Variants in FAM53B observed in about 807,000 individuals in gnomAD.
FAM53B encodes protein FAM53B.
A neutral mutation model predicts 32.7 loss-of-function variants in FAM53B; 12 were observed. That is an observed-to-expected ratio of 0.37 (90% CI 0.24 to 0.59). The LOEUF is 0.59. Ranked by LOEUF, FAM53B falls within the 20% of genes least tolerant of loss-of-function variation. The pLI is 0.72. For missense variants in FAM53B, 477 were observed against 577.7 expected, an observed-to-expected ratio of 0.83 and a Z score of 1.79; for synonymous variants, 234 against 228.7, an observed-to-expected ratio of 1.02 and a Z score of -0.21.
At chr10:124,726,671 T>C (rs1169749099) in intron 1 of FAM53B, among the ~76,000 whole-genome samples, 1 of 152,192 alleles carries the variant, frequency 6.6e-6, no homozygotes, top group African/African-American at 2.4e-5. Context: ...ACAGCTGCCA[T>C]ACGAAGAGAT....
At position 124,646,464 on chromosome 10, in the gene FAM53B, G is replaced by A. The variant is rs185948410; in HGVS notation, c.907-22860C>T. On this transcript the variant is annotated intron_variant, in intron 4 of 4. Coordinates refer to ENST00000337318, the MANE Select transcript of FAM53B (RefSeq NM_014661.4). ...ATCCCAGAACAAACGGAACCGTTTTGTTACCATCTACCACAGGCCAAGGCC... is the reference window on the plus strand; with the variant it reads ...ATCCCAGAACAAACGGAACCGTTTTATTACCATCTACCACAGGCCAAGGCC... Among the ~76,000 whole-genome samples, 7 of 152,324 alleles carry A rather than the reference G, an allele frequency of 4.6e-5. No homozygotes were observed. In the East Asian group the frequency reaches 1.4e-3, roughly 29 times the overall value.
chr10:124,694,847 T>G (rs1241396591), intron 3 of FAM53B, among the ~76,000 whole-genome samples: 1 of 152,180 alleles, frequency 6.6e-6, no homozygotes, highest in Non-Finnish European at 1.5e-5. Context: ...AGTGGCAGCA[T>G]CAAGAGCACC....
At chr10:124,690,343 C>T (rs914724438) in intron 3 of FAM53B, among the ~76,000 whole-genome samples, 1 of 152,246 alleles carries the variant, frequency 6.6e-6, no homozygotes, top group Admixed American at 6.5e-5. Context: ...TGTCACATCT[C>T]CCCCATGGAC....
At chr10:124,715,979 G>A (rs1950036528) in intron 1 of FAM53B, among the ~76,000 whole-genome samples, 1 of 152,206 alleles carries the variant, frequency 6.6e-6, no homozygotes, top group African/African-American at 2.4e-5. Flanking sequence ...TACAGCATTA[G>A]CTTCTAGGGG....
chr10:124,631,586 G>T (rs1327549193), intron 4 of FAM53B, among the ~76,000 whole-genome samples: 1 of 152,134 alleles, frequency 6.6e-6, no homozygotes, highest in Non-Finnish European at 1.5e-5. Context: ...GGTGCTCATC[G>T]GGCCAAACCC....
At chr10:124,676,866 G>A (rs1000371332) in intron 4 of FAM53B, among the ~76,000 whole-genome samples, 8 of 152,026 alleles carry the variant, frequency 5.3e-5, no homozygotes, top group South Asian at 2.1e-4. Flanking sequence ...CAGCTTTCAC[G>A]GTCCCTCAAA....
In FAM53B at chr10:124,671,054, A is replaced by T; in HGVS notation, c.906+10553T>A. 5 of 426,848 alleles carry T rather than the reference A, an allele frequency of 1.2e-5. No homozygotes were observed. The East Asian group carries it at 2.2e-4, about 19-fold the overall frequency. The allele number at this position is 426,848 out of a possible 1,614,324, so 26.4% of individuals were successfully genotyped here. ...CGCTGGAGAACGTTAGACAGCGCTTAACTGAAGGATGCTGAGCAGAGCCAG... is the reference window on the plus strand; with the variant it reads ...CGCTGGAGAACGTTAGACAGCGCTTTACTGAAGGATGCTGAGCAGAGCCAG... On this transcript the variant is annotated intron_variant, in intron 4 of 4. Coordinates refer to ENST00000337318, the MANE Select transcript of FAM53B (RefSeq NM_014661.4).
rs3781469 is a variant in FAM53B, at chr10:124,631,968, G to T, written c.907-8364C>A. 4.4e-3 allele frequency among the ~76,000 whole-genome samples: 675 copies of T among 152,298 alleles called. 23 individuals are homozygous for T. The East Asian group carries it at 0.085, about 19-fold the overall frequency. Reference sequence around the variant, plus strand: ...ACAGTGGGTGCATCGTGCAGCCTGGGGGCAGAGGGTAGGTAGGAAGGAAGG... The same window carrying T: ...ACAGTGGGTGCATCGTGCAGCCTGGTGGCAGAGGGTAGGTAGGAAGGAAGG... On this transcript the variant is annotated intron_variant, in intron 4 of 4. Coordinates refer to ENST00000337318, the MANE Select transcript of FAM53B (RefSeq NM_014661.4).
chr10:124,707,294 G>C (rs1180550587), intron 1 of FAM53B, among the ~76,000 whole-genome samples: 1 of 152,322 alleles, frequency 6.6e-6, no homozygotes, highest in East Asian at 1.9e-4. Flanking sequence ...CCAAGGGTCA[G>C]AACATGCCTC....
At chr10:124,659,859 T>A (rs1949618035) in intron 4 of FAM53B, among the ~76,000 whole-genome samples, 1 of 152,206 alleles carries the variant, frequency 6.6e-6, no homozygotes, top group Non-Finnish European at 1.5e-5. Flanking sequence ...CAGGCTGGAG[T>A]GCCATGGCAC....
At chr10:124,679,389 C>T (rs555201138) in intron 4 of FAM53B, among the ~76,000 whole-genome samples, 3 of 152,208 alleles carry the variant, frequency 2.0e-5, no homozygotes, top group Non-Finnish European at 4.4e-5. Context: ...CAGGTTCCCA[C>T]GCACAAGGCC....
rs1949779646 is a variant in FAM53B, at chr10:124,682,431, A to C, written c.134-52T>G. 6.7e-7 allele frequency: 1 copy of C among 1,491,974 alleles called. No homozygotes were observed. The highest frequency in any genetic ancestry group is 9.1e-7 in the Non-Finnish European group (1 of 1,104,562). The allele number at this position is 1,491,974 out of a possible 1,614,324, so 92.4% of individuals were successfully genotyped here. ...CAGGATTTGAGAAGACCTTCACTCC[A>C]GCCCTTTATTATCTCCACACCAACA... On this transcript the variant is annotated intron_variant, in intron 3 of 4. Transcript: ENST00000337318. The surrounding 1 kb of genome is among the most constrained non-coding windows in gnomAD (Gnocchi z 5.2).
intron 1 of FAM53B, among the ~76,000 whole-genome samples, chr10:124,738,150 G>C (rs748628165): frequency 6.6e-6 from 1 of 151,822 alleles, no homozygotes; most frequent in African/African-American, 2.4e-5. Flanking sequence ...CTCCGCTCCC[G>C]AATACGAAAG....
chr10:124,691,910 A>C lies in FAM53B; in HGVS notation c.133+4248T>G, dbSNP rs563551607. On this transcript the variant is annotated intron_variant, in intron 3 of 4. Coordinates refer to ENST00000337318, the MANE Select transcript of FAM53B (RefSeq NM_014661.4). ...CCCCTCTTTGTACCCACTAGAAATG[A>C]GAGCCAGGAGCAAGGGCTGGCTCCC... Among the ~76,000 whole-genome samples, 103 of 152,366 alleles carry C rather than the reference A, an allele frequency of 6.8e-4. 3 individuals carry two copies. In the South Asian group the frequency reaches 0.021, roughly 31 times the overall value.
At position 124,620,362 on chromosome 10, in the gene FAM53B, C is replaced by CCG. The variant is rs1554901009; in HGVS notation, c.*2879_*2880insCG. ...GGGTGCATGTGGCACTAAGCCCCCC[C>CCG]CACCGCCCCGGCTTTCCTGCAGGCT... is the stretch of plus-strand genomic sequence containing the variant. On this transcript the variant is annotated 3_prime_UTR_variant, in exon 5 of 5. Coordinates refer to ENST00000337318, the MANE Select transcript of FAM53B (RefSeq NM_014661.4). 6.8e-6 allele frequency: 1 copy of CCG among 146,226 alleles called. No homozygotes were observed. The highest frequency in any genetic ancestry group is 2.3e-4 in the East Asian group (1 of 4,422). 9.1% of individuals were successfully genotyped at this position (146,226 alleles called of 1,614,324 possible). A position where few individuals can be genotyped will look rare whatever the true frequency, so the allele number is the denominator to read the frequency against.
Position 124,620,230 on chromosome 10 carries a change from G to T in FAM53B, c.*3012C>A, listed in dbSNP as rs917369254. 2 of 152,664 alleles carry T rather than the reference G, an allele frequency of 1.3e-5. No homozygotes were observed. The highest frequency in any genetic ancestry group is 4.8e-5 in the African/African-American group (2 of 41,448). 9.5% of individuals were successfully genotyped at this position (152,664 alleles called of 1,614,324 possible). On this transcript the variant is annotated 3_prime_UTR_variant, in exon 5 of 5. Transcript: ENST00000337318. Reference sequence around the variant, plus strand: ...CGTGCAAATCCGGCCTCCACCGCGAGTAAGGCAAGAGGGTATGGCAACGAA... The same window carrying T: ...CGTGCAAATCCGGCCTCCACCGCGATTAAGGCAAGAGGGTATGGCAACGAA...
At chr10:124,628,619 A>G (rs4962393) in intron 4 of FAM53B, among the ~76,000 whole-genome samples, 150,143 of 152,304 alleles carry the variant, frequency 0.99, 74,035 homozygotes, top group East Asian at 1. Context: ...CTGGTGTCCC[A>G]CCTGGAGTCC....
chr10:124,623,444 G>A lies in FAM53B; in HGVS notation c.1067C>T (p.Pro356Leu), dbSNP rs1472583421. 1.9e-6 allele frequency: 3 copies of A among 1,596,042 alleles called. No individual in the cohort carries two copies. Among genetic ancestry groups the A allele is most frequent in the Non-Finnish European group, 2.6e-6 (3 of 1,172,482 alleles). The change falls in exon 5 of 5, where the codon CCT becomes CTT. Residue 356 changes from proline to leucine, a missense_variant. Coordinates refer to ENST00000337318, the MANE Select transcript of FAM53B (RefSeq NM_014661.4). ...GTCGAAGGAAGGGGGAAGAGGCTCA[G>A]GGACCGGGGTCCCAGCGGGGGTCCT... ...GGRTPAGTPV[P>L]EPLPPSFDDH... is the part of the protein sequence containing the mutation.
intron 4 of FAM53B, among the ~76,000 whole-genome samples, chr10:124,655,753 A>G (rs1192523841): frequency 6.6e-6 from 1 of 152,202 alleles, no homozygotes; most frequent in Non-Finnish European, 1.5e-5. Flanking sequence ...CATTCCACGC[A>G]GAAGATCCTT....
Sources: gnomAD v4.1 joint callset for allele counts (sites outside exome capture counted in the v4.1 genomes callset) on GRCh38, gnomAD v4.1.1 for gene constraint, Gnocchi (gnomAD v3.1) non-coding constraint, MANE v1.5 for transcripts, NCBI Gene and HGNC (gene_info 2026-07-23, HGNC 2026-07-21) for gene names.